The following ERC2 variants were observed in gnomAD, a reference collection of about 807,000 sequenced individuals.
The protein encoded by ERC2 is ERC protein 2.
A neutral mutation model predicts 114.8 loss-of-function variants in ERC2; 42 were observed. The ratio of observed to expected loss-of-function variants is 0.37; its 90% confidence interval spans 0.29 to 0.47. The LOEUF (loss-of-function observed/expected upper bound fraction) is 0.47. ERC2 is among the 20% of genes least tolerant of loss of function. The pLI, the probability that ERC2 is intolerant of heterozygous loss-of-function variation, is 0.99. For synonymous variants in ERC2, 454 were observed against 425.5 expected (o/e 1.07, Z -0.82); for missense variants, 939 against 1,150.7 (o/e 0.82, Z 2.66).
At chr3:55,982,359 A>G (rs1353153553) in intron 12 of ERC2, among the ~76,000 whole-genome samples, 1 of 152,184 alleles carries the variant, frequency 6.6e-6, no homozygotes, top group Non-Finnish European at 1.5e-5. Flanking sequence ...TACTAACTGT[A>G]TAAATTTAGC....
chr3:56,093,486 G>A (rs1373004445), intron 6 of ERC2, among the ~76,000 whole-genome samples: 2 of 152,040 alleles, frequency 1.3e-5, no homozygotes, highest in African/African-American at 4.8e-5. Context: ...AATAAAAACA[G>A]CAATCAGCGA....
At chr3:55,908,731 G>A (rs2064619359) in intron 13 of ERC2, among the ~76,000 whole-genome samples, 1 of 152,102 alleles carries the variant, frequency 6.6e-6, no homozygotes, top group African/African-American at 2.4e-5. Flanking sequence ...ATAACATTCA[G>A]GGGGGTCACC....
chr3:56,358,173 G>T (rs1576581224), intron 2 of ERC2, among the ~76,000 whole-genome samples: 1 of 152,050 alleles, frequency 6.6e-6, no homozygotes, highest in South Asian at 2.1e-4. Flanking sequence ...TAATCCTCAG[G>T]TTCCTCATCT....
At chr3:55,572,786 C>T (rs1473639901) in intron 17 of ERC2, among the ~76,000 whole-genome samples, 1 of 152,230 alleles carries the variant, frequency 6.6e-6, no homozygotes, top group African/African-American at 2.4e-5. Context: ...AAAGCCTTAG[C>T]TGGTGACCTC....
chr3:55,820,123 G>A (rs1365160524), intron 14 of ERC2, among the ~76,000 whole-genome samples: 1 of 152,156 alleles, frequency 6.6e-6, no homozygotes, highest in Non-Finnish European at 1.5e-5. Context: ...TCAGGAGTAA[G>A]TGTCAGGTGT....
intron 2 of ERC2, among the ~76,000 whole-genome samples, chr3:56,414,655 G>A (rs919993981): frequency 2.6e-5 from 4 of 151,682 alleles, no homozygotes; most frequent in African/African-American, 9.7e-5. Context: ...AACCTGGGTG[G>A]CGGAGGTTGC....
intron 2 of ERC2, among the ~76,000 whole-genome samples, chr3:56,322,942 T>C (rs140263010): frequency 5.9e-5 from 9 of 152,314 alleles, no homozygotes; most frequent in African/African-American, 2.2e-4. Context: ...CCCTCATTAA[T>C]AGATTAATGC....
chr3:56,320,779 C>T (rs2057092771), intron 2 of ERC2, among the ~76,000 whole-genome samples: 1 of 152,134 alleles, frequency 6.6e-6, no homozygotes, highest in Admixed American at 6.5e-5. Flanking sequence ...ATAATGATGA[C>T]AATTCCTGAG....
At chr3:56,325,963 A>G (rs961672560) in intron 2 of ERC2, among the ~76,000 whole-genome samples, 1 of 152,252 alleles carries the variant, frequency 6.6e-6, no homozygotes, top group Non-Finnish European at 1.5e-5. Context: ...GATGCCCATC[A>G]GACACACTCT....
At chr3:55,924,463 C>A (rs1045103628) in intron 13 of ERC2, among the ~76,000 whole-genome samples, 13 of 152,258 alleles carry the variant, frequency 8.5e-5, no homozygotes, top group Admixed American at 2.6e-4. Context: ...TATCTTCAGT[C>A]CAGATCTCTG....
rs371141507 is a variant in ERC2 at position 55,684,866 on chromosome 3, T to A, written c.2848-1007A>T. On this transcript the variant is annotated intron_variant, in intron 16 of 17. Transcript: ENST00000288221. ...GCCTTTTAATAGGTCTCCAGTGAAG[T>A]CAGATTTTTCCATAATTTGCTTCTT... is the stretch of plus-strand genomic sequence containing the variant. 8.5e-5 allele frequency among the ~76,000 whole-genome samples: 13 copies of A among 152,172 alleles called. No individual in the cohort carries two copies. The East Asian group carries it at 9.7e-4, about 11-fold the overall frequency.
chr3:55,876,264 G>C (rs993085690), intron 14 of ERC2, among the ~76,000 whole-genome samples: 11 of 152,006 alleles, frequency 7.2e-5, no homozygotes, highest in African/African-American at 2.7e-4. Context: ...ATAATATTTG[G>C]ACTGGATTTT....
intron 7 of ERC2, among the ~76,000 whole-genome samples, chr3:56,065,772 C>G (rs2076447142): frequency 6.6e-6 from 1 of 152,054 alleles, no homozygotes; most frequent in South Asian, 2.1e-4. Context: ...ATTGTTAGCT[C>G]CCACTTATGA....
At chr3:56,049,732 C>T (rs1319111247) in intron 7 of ERC2, among the ~76,000 whole-genome samples, 3 of 152,062 alleles carry the variant, frequency 2.0e-5, no homozygotes, top group Admixed American at 2.0e-4. Context: ...CTCACACTGG[C>T]TTCCTTGCTC....
At chr3:55,820,023 C>T (rs192010336) in intron 14 of ERC2, among the ~76,000 whole-genome samples, 7 of 152,220 alleles carry the variant, frequency 4.6e-5, no homozygotes, top group Non-Finnish European at 7.3e-5. Context: ...ATAATTGTGC[C>T]CATGAGGTTG....
At chr3:56,191,474 C>T (rs2047776135) in intron 3 of ERC2, among the ~76,000 whole-genome samples, 1 of 152,128 alleles carries the variant, frequency 6.6e-6, no homozygotes, top group African/African-American at 2.4e-5. Context: ...TGGTCTCTCT[C>T]ACACAACCTT....
intron 12 of ERC2, among the ~76,000 whole-genome samples, chr3:55,960,060 C>T (rs2149465014): frequency 6.6e-6 from 1 of 152,324 alleles, no homozygotes; most frequent in Non-Finnish European, 1.5e-5. Context: ...CTGAAGCCAC[C>T]ATCACATTTT....
chr3:55,843,888 T>C (rs193231275), intron 14 of ERC2, among the ~76,000 whole-genome samples: 7 of 152,328 alleles, frequency 4.6e-5, no homozygotes, highest in Admixed American at 2.6e-4. Flanking sequence ...TGTAAAAATA[T>C]AGGGTAACAA....
chr3:56,295,594 A>C (rs1236077003), intron 3 of ERC2, among the ~76,000 whole-genome samples: 1 of 152,266 alleles, frequency 6.6e-6, no homozygotes, highest in African/African-American at 2.4e-5. Flanking sequence ...TACTTTCTGC[A>C]AATCTCATCC....
Sources: gnomAD v4.1 joint callset for allele counts (sites outside exome capture counted in the v4.1 genomes callset) on GRCh38, gnomAD v4.1.1 for gene constraint, MANE v1.5 for transcripts, NCBI Gene and HGNC (gene_info 2026-07-23, HGNC 2026-07-21) for gene names.